The following CRY1 variants were observed in gnomAD, a reference collection of about 807,000 sequenced individuals.
CRY1 encodes the protein cryptochrome circadian regulator 1, also known as cryptochrome-1.
In CRY1, 45 loss-of-function variants were observed where a neutral mutation model predicts 76.0. The observed-to-expected ratio is 0.59, with a 90% CI of 0.47 to 0.76. The LOEUF (loss-of-function observed/expected upper bound fraction) is 0.76, where lower values mean the gene tolerates loss of function less well. CRY1 is among the 30% of genes least tolerant of loss of function. The pLI, the probability that CRY1 is intolerant of heterozygous loss-of-function variation, is 0.00. For synonymous variants in CRY1, 248 were observed against 244.0 expected (o/e 1.02, Z -0.15); for missense variants, 587 against 716.4 (o/e 0.82, Z 2.06).
chr12:107,029,409 T>C (rs751933668), intron 1 of CRY1, among the ~76,000 whole-genome samples: 22 of 151,846 alleles, frequency 1.4e-4, no homozygotes, highest in Non-Finnish European at 2.6e-4. Context: ...CTGAGCAACA[T>C]AGGGAGATCT....
At chr12:107,057,213 TTTG>T (rs1306054519) in intron 1 of CRY1, among the ~76,000 whole-genome samples, 1 of 151,122 alleles carries the variant, frequency 6.6e-6, no homozygotes, top group Non-Finnish European at 1.5e-5. Context: ...TAGTCATACT[TTTG>T]TTAACAAGAT....
intron 1 of CRY1, among the ~76,000 whole-genome samples, chr12:107,022,409 A>G (rs1202616421): frequency 2.6e-5 from 4 of 152,026 alleles, no homozygotes; most frequent in African/African-American, 9.7e-5. Context: ...TAAAATCACT[A>G]ATTTTCATTA....
chr12:107,008,476 C>T (rs925078408), intron 2 of CRY1, among the ~76,000 whole-genome samples: 1 of 152,022 alleles, frequency 6.6e-6, no homozygotes, highest in South Asian at 2.1e-4. Context: ...ATAAAGAATA[C>T]GGGGATGGGG....
chr12:107,009,062 A>G (rs1447664766), intron 2 of CRY1, among the ~76,000 whole-genome samples: 2 of 152,236 alleles, frequency 1.3e-5, no homozygotes, highest in Non-Finnish European at 2.9e-5. Flanking sequence ...CTAGTTAGCT[A>G]AAAGACCTTT....
intron 1 of CRY1, among the ~76,000 whole-genome samples, chr12:107,073,320 G>C (rs908787502): frequency 4.0e-5 from 6 of 151,424 alleles, no homozygotes; most frequent in Non-Finnish European, 5.9e-5. Context: ...ACTGCATTCT[G>C]TCTCCCTGGT....
chr12:106,992,823 ACTCTGTGTGTC>A lies in CRY1; in HGVS notation c.1714_1724del (p.Asp572TyrfsTer4), dbSNP rs777617970. The A allele has an allele frequency of 1.9e-6, 3 of 1,613,930 alleles. No individual in the cohort carries two copies. In the South Asian group the frequency reaches 3.3e-5, roughly 18 times the overall value. ...TCTGTCTCTGGACTTTAGGACCAAT[ACTCTGTGTGTC>A]CTCTTCCTGACTAGGACGTTTCCCA... On this transcript the variant is annotated frameshift_variant, in exon 12 of 13. Transcript: ENST00000008527. LOFTEE classifies it high-confidence loss of function.
intron 2 of CRY1, among the ~76,000 whole-genome samples, chr12:107,015,124 C>A (rs1205994029): frequency 1.3e-5 from 2 of 152,218 alleles, no homozygotes; most frequent in African/African-American, 4.8e-5. Flanking sequence ...GATCCGCCGG[C>A]CTCAGCCTCC....
At chr12:107,022,786 T>G (rs1056379089) in intron 1 of CRY1, among the ~76,000 whole-genome samples, 1 of 150,562 alleles carries the variant, frequency 6.6e-6, no homozygotes, top group African/African-American at 2.4e-5. Context: ...AACTAATAAG[T>G]AGATGCCAAA....
intron 1 of CRY1, among the ~76,000 whole-genome samples, chr12:107,068,165 G>A (rs1482138184): frequency 6.6e-6 from 1 of 152,124 alleles, no homozygotes; most frequent in African/African-American, 2.4e-5. Flanking sequence ...CTGAGAGAGA[G>A]ATCATATGGC....
At position 107,093,545 on chromosome 12, in the gene CRY1, ACT is replaced by A. The variant is rs1413416482; in HGVS notation, c.-586_-585del. On this transcript the variant is annotated 5_prime_UTR_variant, in exon 1 of 13. Coordinates refer to ENST00000008527, the MANE Select transcript of CRY1 (RefSeq NM_004075.5). ...GACCGGTCCCGAGGCTGCCCGGGTG[ACT>A]CTGCCGCCGCCGCCGCGTCAGCGGC... is the stretch of plus-strand genomic sequence containing the variant. 6.6e-6 allele frequency: 1 copy of A among 151,836 alleles called. No homozygotes were observed. The highest frequency in any genetic ancestry group is 1.5e-5 in the Non-Finnish European group (1 of 67,998). The allele number at this position is 151,836 out of a possible 1,614,324, so 9.4% of individuals were successfully genotyped here.
intron 1 of CRY1, among the ~76,000 whole-genome samples, chr12:107,050,630 G>C (rs1002288411): frequency 2.0e-5 from 3 of 152,196 alleles, no homozygotes; most frequent in African/African-American, 7.2e-5. Context: ...ATAGCCTACA[G>C]AAGTGTGTGC....
intron 2 of CRY1, among the ~76,000 whole-genome samples, chr12:107,009,563 C>T (rs11113161): frequency 8.8e-5 from 8 of 90,962 alleles, no homozygotes; most frequent in African/African-American, 3.6e-4. Context: ...AACAAAAAAA[C>T]ATATATATAT....
chr12:107,045,582 C>T lies in CRY1; in HGVS notation c.159-23390G>A, dbSNP rs182136328. ...GAAGTCCTTGCCCATGCCTATGTCC[C>T]GAATGGTATTGCCTAGGTTTTCTTC... On this transcript the variant is annotated intron_variant, in intron 1 of 12. Transcript: ENST00000008527. Among the ~76,000 whole-genome samples, 731 of 152,262 alleles carry T rather than the reference C, an allele frequency of 4.8e-3. 18 individuals carry two copies. Among genetic ancestry groups the T allele is most frequent in the Admixed American group, 0.044 (672 of 15,286 alleles).
chr12:107,062,307 CTTGA>C (rs1226539257), intron 1 of CRY1, among the ~76,000 whole-genome samples: 1 of 152,062 alleles, frequency 6.6e-6, no homozygotes, highest in Non-Finnish European at 1.5e-5. Flanking sequence ...ACAATTTTCA[CTTGA>C]TTATTATAGT....
chr12:107,086,400 TAAAAGAGAGCC>T (rs149363381), intron 1 of CRY1, among the ~76,000 whole-genome samples: 10,213 of 152,112 alleles, frequency 0.067, 449 homozygotes, highest in Middle Eastern at 0.16. Flanking sequence ...TTAACATGAA[TAAAAGAGAGCC>T]AGTTGTTAAC....
intron 1 of CRY1, among the ~76,000 whole-genome samples, chr12:107,026,223 G>A (rs1952614696): frequency 1.9e-5 from 1 of 53,424 alleles, no homozygotes; most frequent in African/African-American, 9.5e-5. Context: ...TTCAAATTAA[G>A]TCAGTTCTCC....
At chr12:107,083,919 G>C (rs557478839) in intron 1 of CRY1, among the ~76,000 whole-genome samples, 8 of 152,304 alleles carry the variant, frequency 5.3e-5, no homozygotes, top group African/African-American at 1.9e-4. Context: ...CAGATGACAT[G>C]ATTGTATATT....
At chr12:107,011,721 T>C (rs923549167) in intron 2 of CRY1, among the ~76,000 whole-genome samples, 41 of 152,338 alleles carry the variant, frequency 2.7e-4, no homozygotes, top group African/African-American at 9.9e-4. Context: ...GCTGTCTCCA[T>C]AACCTAAAAG....
chr12:107,064,886 A>G (rs1217880390), intron 1 of CRY1, among the ~76,000 whole-genome samples: 2 of 152,226 alleles, frequency 1.3e-5, no homozygotes, highest in Non-Finnish European at 2.9e-5. Flanking sequence ...TAATGGAGCA[A>G]CAGACATTCT....
Sources: gnomAD v4.1 joint callset for allele counts (sites outside exome capture counted in the v4.1 genomes callset) on GRCh38, gnomAD v4.1.1 for gene constraint, MANE v1.5 for transcripts, NCBI Gene and HGNC (gene_info 2026-07-23, HGNC 2026-07-21) for gene names.